The following ANO3 variants were observed in gnomAD, a reference collection of about 807,000 sequenced individuals.
ANO3 encodes anoctamin 3.
ANO3 carries 99 observed loss-of-function variants against 144.8 expected under a neutral mutation model. That is an observed-to-expected ratio of 0.68 (90% CI 0.58 to 0.81). The LOEUF (loss-of-function observed/expected upper bound fraction) is 0.81, where lower values mean the gene tolerates loss of function less well. Ranked by LOEUF, ANO3 falls within the 30% of genes least tolerant of loss-of-function variation. The probability of loss-of-function intolerance (pLI) is 0.00; values close to 1 mark genes in which losing one functional copy is unlikely to be tolerated. For synonymous variants in ANO3, 414 were observed against 392.6 expected (o/e 1.05, Z -0.64); for missense variants, 905 against 1,202.2 (o/e 0.75, Z 3.66).
chr11:26,270,091 G>A lies in ANO3; in HGVS notation c.155-39554G>A, dbSNP rs571164099. On this transcript the variant is annotated intron_variant, in intron 1 of 27. Transcript: ENST00000672621. The stretch of plus-strand genomic sequence containing the variant: ...TGATCTTGCCAAAGAATGATAGGCA[G>A]TTCAAGTATATTGTAAATATTTTTA... Among the ~76,000 whole-genome samples the A allele has an allele frequency of 1.4e-4, 22 of 152,252 alleles. No individual in the cohort carries two copies. The East Asian group carries it at 4.1e-3, about 28-fold the overall frequency.
chr11:26,552,747 C>A (rs1236040350), intron 12 of ANO3, among the ~76,000 whole-genome samples: 2 of 151,210 alleles, frequency 1.3e-5, no homozygotes, highest in African/African-American at 4.9e-5. Flanking sequence ...GCAAAAAAAA[C>A]CCAACAAGCA....
intron 1 of ANO3, among the ~76,000 whole-genome samples, chr11:26,400,513 T>C (rs190337465): frequency 1.4e-4 from 21 of 152,156 alleles, no homozygotes; most frequent in Non-Finnish European, 2.1e-4. Context: ...TATTACCTTC[T>C]GGTCCTTGAA....
intron 6 of ANO3, 33 bp from the exon 7 acceptor site, chr11:26,525,602 G>T: frequency 2.5e-6 from 4 of 1,585,534 alleles, no homozygotes; most frequent in Non-Finnish European, 3.5e-6. Flanking sequence ...TTTTCCTGTG[G>T]CTTTCCTTAG....
intron 1 of ANO3, among the ~76,000 whole-genome samples, chr11:26,297,062 A>C (rs1854107540): frequency 6.6e-6 from 1 of 152,120 alleles, no homozygotes; most frequent in South Asian, 2.1e-4. Flanking sequence ...ATTGATCAAA[A>C]TATTTATATA....
At chr11:26,384,458 C>T (rs776731972) in intron 1 of ANO3, among the ~76,000 whole-genome samples, 1 of 152,110 alleles carries the variant, frequency 6.6e-6, no homozygotes, top group Non-Finnish European at 1.5e-5. Flanking sequence ...CTGAGAACCT[C>T]TGAATGGATT....
At chr11:26,234,996 A>AGAG (rs1360457700) in intron 1 of ANO3, among the ~76,000 whole-genome samples, 1 of 82,828 alleles carries the variant, frequency 1.2e-5, no homozygotes, top group African/African-American at 3.3e-5. Flanking sequence ...AGAGAGAGAG[A>AGAG]AAAGAAAGAG....
intron 1 of ANO3, among the ~76,000 whole-genome samples, chr11:26,438,258 C>T (rs1858367268): frequency 6.6e-6 from 1 of 152,074 alleles, no homozygotes; most frequent in Non-Finnish European, 1.5e-5. Flanking sequence ...TTTTAAAACA[C>T]CTGACCAAAA....
At chr11:26,556,245 A>G (rs1372266510) in intron 13 of ANO3, among the ~76,000 whole-genome samples, 1 of 152,160 alleles carries the variant, frequency 6.6e-6, no homozygotes, top group Non-Finnish European at 1.5e-5. Context: ...ATTCTCATTT[A>G]AGGTGAAATA....
At chr11:26,399,601 T>C (rs1466863652) in intron 1 of ANO3, among the ~76,000 whole-genome samples, 1 of 151,950 alleles carries the variant, frequency 6.6e-6, no homozygotes, top group Non-Finnish European at 1.5e-5. Context: ...TCAATTATAT[T>C]ATTTACCAGC....
intron 1 of ANO3, among the ~76,000 whole-genome samples, chr11:26,359,738 C>T (rs949234914): frequency 6.6e-6 from 1 of 152,078 alleles, no homozygotes; most frequent in Admixed American, 6.6e-5. Flanking sequence ...TAGGGATGGC[C>T]TCATTTGTTA....
chr11:26,605,534 C>T (rs377001450), intron 17 of ANO3, among the ~76,000 whole-genome samples: 3 of 152,124 alleles, frequency 2.0e-5, no homozygotes, highest in Non-Finnish European at 2.9e-5. Flanking sequence ...TGGTAGAATT[C>T]GGCTGTGAAT....
At chr11:26,624,402 A>G in intron 17 of ANO3, 60 bp from the exon 18 acceptor site, 2 of 1,232,572 alleles carry the variant, frequency 1.6e-6, no homozygotes, top group Admixed American at 3.7e-5. Context: ...AAATAGTGTA[A>G]ATACCAGCCT....
intron 1 of ANO3, among the ~76,000 whole-genome samples, chr11:26,311,142 A>G (rs1240964059): frequency 6.6e-6 from 1 of 152,214 alleles, no homozygotes; most frequent in African/African-American, 2.4e-5. Flanking sequence ...GGATAACATT[A>G]AGGACAATGA....
At chr11:26,243,224 G>T (rs12280217) in intron 1 of ANO3, among the ~76,000 whole-genome samples, 2,177 of 152,164 alleles carry the variant, frequency 0.014, 39 homozygotes, top group African/African-American at 0.05. Context: ...TCAGAAGGTT[G>T]TTGCCAGGCT....
intron 1 of ANO3, among the ~76,000 whole-genome samples, chr11:26,253,296 AC>A (rs1308031047): frequency 5.3e-5 from 8 of 152,186 alleles, no homozygotes; most frequent in African/African-American, 1.9e-4. Flanking sequence ...GCAAACTAGC[AC>A]AGGAGCAGAA....
intron 1 of ANO3, among the ~76,000 whole-genome samples, chr11:26,413,312 T>C (rs1241103657): frequency 6.6e-6 from 1 of 152,048 alleles, no homozygotes; most frequent in African/African-American, 2.4e-5. Flanking sequence ...TACTTCTTTT[T>C]TTTTTACTGC....
At chr11:26,546,575 G>A (rs1294762320) in intron 11 of ANO3, among the ~76,000 whole-genome samples, 1 of 152,024 alleles carries the variant, frequency 6.6e-6, no homozygotes, top group East Asian at 1.9e-4. Flanking sequence ...AGACCAAACA[G>A]TGGTAAAGAA....
At chr11:26,461,300 A>G (rs920746911) in intron 3 of ANO3, among the ~76,000 whole-genome samples, 4 of 152,078 alleles carry the variant, frequency 2.6e-5, no homozygotes, top group African/African-American at 9.7e-5. Context: ...TAACAGTTCA[A>G]TGCAAATCCA....
At chr11:26,608,557 G>C (rs575950900) in intron 17 of ANO3, among the ~76,000 whole-genome samples, 8 of 152,168 alleles carry the variant, frequency 5.3e-5, no homozygotes, top group Non-Finnish European at 1.2e-4. Flanking sequence ...GGCTAAGTCT[G>C]CTGGTTTATA....
Sources: gnomAD v4.1 joint callset for allele counts (sites outside exome capture counted in the v4.1 genomes callset) on GRCh38, gnomAD v4.1.1 for gene constraint, MANE v1.5 for transcripts, NCBI Gene and HGNC (gene_info 2026-07-23, HGNC 2026-07-21) for gene names.